Variants in SWT1 observed in about 807,000 individuals in gnomAD.
The protein encoded by SWT1 is transcriptional protein SWT1.
A neutral mutation model predicts 107.3 loss-of-function variants in SWT1; 33 were observed. That is an observed-to-expected ratio of 0.31 (90% confidence interval 0.23 to 0.41). The LOEUF (loss-of-function observed/expected upper bound fraction) is 0.41, where lower values mean the gene tolerates loss of function less well. SWT1 is among the 10% of genes least tolerant of loss of function. The pLI is 1.00. For missense variants in SWT1, 898 were observed against 1,028.9 expected, an observed-to-expected ratio of 0.87 and a Z score of 1.74; for synonymous variants, 345 against 348.3, an observed-to-expected ratio of 0.99 and a Z score of 0.11.
intron 5 of SWT1, among the ~76,000 whole-genome samples, chr1:185,177,430 T>C (rs1403414229): frequency 1.3e-5 from 2 of 152,236 alleles, no homozygotes; most frequent in Admixed American, 1.3e-4. Context: ...GAAGCAGTTT[T>C]TCCATGACCA....
intron 10 of SWT1, among the ~76,000 whole-genome samples, chr1:185,196,747 A>C (rs1262708592): frequency 2.6e-5 from 4 of 152,190 alleles, no homozygotes; most frequent in Admixed American, 2.0e-4. Context: ...CTTTGTAGCA[A>C]TTGTGAATGG....
At chr1:185,204,525 C>T (rs897866286) in intron 11 of SWT1, among the ~76,000 whole-genome samples, 175 bp from the exon 12 acceptor site, 3 of 151,818 alleles carry the variant, frequency 2.0e-5, no homozygotes, top group African/African-American at 7.3e-5. Flanking sequence ...GCATCTAAAG[C>T]AACTATAATA....
At chr1:185,163,742 A>G (rs910576900) in intron 2 of SWT1, among the ~76,000 whole-genome samples, 5 of 152,058 alleles carry the variant, frequency 3.3e-5, no homozygotes, top group Non-Finnish European at 7.4e-5. Flanking sequence ...CACATTTTCA[A>G]CCTCTACTTC....
Position 185,172,192 on chromosome 1 carries a change from T to C in SWT1, c.225-2180T>C, listed in dbSNP as rs149834323. 6.1e-3 allele frequency among the ~76,000 whole-genome samples: 930 copies of C among 152,352 alleles called. 6 individuals are homozygous for C. The highest frequency in any genetic ancestry group is 8.6e-3 in the Non-Finnish European group (583 of 68,034). On this transcript the variant is annotated intron_variant, in intron 4 of 18. Coordinates refer to ENST00000367500, the MANE Select transcript of SWT1 (RefSeq NM_017673.7). ...TTGTGTTTGACATTTTTCCCCTTTTTTTCTCACTACAAAGTAATATCTACT... is the reference window on the plus strand; with the variant it reads ...TTGTGTTTGACATTTTTCCCCTTTTCTTCTCACTACAAAGTAATATCTACT...
chr1:185,245,321 A>T (rs928566421), intron 16 of SWT1, among the ~76,000 whole-genome samples: 23 of 152,112 alleles, frequency 1.5e-4, no homozygotes, highest in Admixed American at 5.2e-4. Flanking sequence ...CAGGGTCAGG[A>T]TCATCAGTGT....
At chr1:185,255,226 T>G (rs1191828399) in intron 16 of SWT1, among the ~76,000 whole-genome samples, 2 of 151,908 alleles carry the variant, frequency 1.3e-5, no homozygotes, top group African/African-American at 4.8e-5. Flanking sequence ...GGAATAGGTG[T>G]GGTGTGGTGC....
chr1:185,209,991 T>C (rs1417974497), intron 13 of SWT1, among the ~76,000 whole-genome samples: 1 of 152,246 alleles, frequency 6.6e-6, no homozygotes. Context: ...ATGAGCTTTC[T>C]TTCATATGTT....
intron 10 of SWT1, among the ~76,000 whole-genome samples, chr1:185,193,096 C>T (rs779859331): frequency 7.2e-5 from 11 of 152,092 alleles, no homozygotes; most frequent in Admixed American, 2.6e-4. Flanking sequence ...TTTTCATTTT[C>T]GTTCTATTCA....
chr1:185,184,987 C>T, intron 9 of SWT1, 56 bp downstream of exon 9: 3 of 1,222,588 alleles, frequency 2.5e-6, no homozygotes, highest in East Asian at 2.8e-5. Flanking sequence ...GGTGCAGACT[C>T]ATTATTGGAG....
intron 2 of SWT1, among the ~76,000 whole-genome samples, chr1:185,164,763 C>T (rs1654437627): frequency 6.6e-6 from 1 of 152,216 alleles, no homozygotes; most frequent in Non-Finnish European, 1.5e-5. Flanking sequence ...AATGTTGTGG[C>T]TGGTTTGATT....
intron 17 of SWT1, among the ~76,000 whole-genome samples, chr1:185,273,530 G>C (rs1005545672): frequency 6.6e-6 from 1 of 151,532 alleles, no homozygotes; most frequent in Non-Finnish European, 1.5e-5. Flanking sequence ...GTGAAACCCC[G>C]TCTCTACTAA....
intron 15 of SWT1, chr1:185,226,976 C>G: frequency 1.1e-6 from 1 of 878,130 alleles, no homozygotes; most frequent in African/African-American, 1.7e-5. Context: ...CATGAGCTTT[C>G]TTACACATCT....
chr1:185,216,316 G>T (rs1659211889), intron 14 of SWT1, among the ~76,000 whole-genome samples: 1 of 152,106 alleles, frequency 6.6e-6, no homozygotes, highest in Non-Finnish European at 1.5e-5. Flanking sequence ...GATTTAGAGG[G>T]TTATAGCATG....
Position 185,235,808 on chromosome 1 carries a change from C to A in SWT1, c.2441+4100C>A, listed in dbSNP as rs143754736. On this transcript the variant is annotated intron_variant, in intron 16 of 18. Transcript: ENST00000367500. ...TGATTGTATATTTAGAAAACCCCAT[C>A]GTCTCAGCCCAAAATCTCCTTAAGC... is the stretch of plus-strand genomic sequence containing the variant. Among the ~76,000 whole-genome samples, 52 of 152,226 alleles carry A rather than the reference C, an allele frequency of 3.4e-4. 1 individual carries two copies. In the East Asian group the frequency reaches 9.6e-3, roughly 28 times the overall value.
intron 16 of SWT1, among the ~76,000 whole-genome samples, chr1:185,270,283 T>C (rs1663759562): frequency 7.9e-6 from 1 of 126,376 alleles, no homozygotes; most frequent in Non-Finnish European, 1.6e-5. Context: ...CTGGTTTACT[T>C]TCCTTTTTTT....
chr1:185,280,131 C>T (rs1163678232), intron 18 of SWT1, among the ~76,000 whole-genome samples: 1 of 152,084 alleles, frequency 6.6e-6, no homozygotes, highest in Admixed American at 6.5e-5. Context: ...CAGTTTCCCC[C>T]ATGCTGTTCT....
chr1:185,230,898 C>T (rs937029495), intron 15 of SWT1, among the ~76,000 whole-genome samples: 3 of 152,120 alleles, frequency 2.0e-5, no homozygotes, highest in Non-Finnish European at 4.4e-5. Context: ...CAGGCAGTGC[C>T]ACCACGCCTC....
chr1:185,227,537 C>G, intron 15 of SWT1: 1 of 527,996 alleles, frequency 1.9e-6, no homozygotes, highest in Non-Finnish European at 3.5e-6. Flanking sequence ...CTGTTTGTTA[C>G]ATGAACTGTC....
At chr1:185,184,681 C>A in intron 8 of SWT1, 62 bp from the exon 9 acceptor site, 1 of 1,319,542 alleles carries the variant, frequency 7.6e-7, no homozygotes. Context: ...TCTTGGACAG[C>A]AATTCCATTT....
Sources: gnomAD v4.1 joint callset for allele counts (sites outside exome capture counted in the v4.1 genomes callset) on GRCh38, gnomAD v4.1.1 for gene constraint, MANE v1.5 for transcripts, NCBI Gene and HGNC (gene_info 2026-07-23, HGNC 2026-07-21) for gene names.